BABAM2: variants seen among roughly 807,000 people sequenced by gnomAD.
BABAM2 encodes the protein BRISC and BRCA1-A complex member 2.
BABAM2 carries 31 observed loss-of-function variants against 54.7 expected under a neutral mutation model. The observed-to-expected ratio is 0.57, with a 90% CI of 0.43 to 0.77. The LOEUF is 0.77. Among genes scored for constraint, BABAM2 ranks in the 30% least tolerant of loss-of-function variants. BABAM2 has a pLI of 0.00. For missense variants in BABAM2, 364 were observed against 455.8 expected (o/e 0.80, Z 1.83); for synonymous variants, 167 against 162.9 (o/e 1.03, Z -0.19).
chr2:28,250,312 G>A (rs968014975), intron 10 of BABAM2, among the ~76,000 whole-genome samples: 1 of 108,962 alleles, frequency 9.2e-6, no homozygotes, highest in African/African-American at 3.2e-5. Context: ...AAGGGCATTT[G>A]TTGAACTTTT....
chr2:28,060,418 A>G (rs987302349), intron 6 of BABAM2, among the ~76,000 whole-genome samples: 3 of 152,176 alleles, frequency 2.0e-5, no homozygotes, highest in Non-Finnish European at 2.9e-5. Context: ...TAAAAGACCA[A>G]ATACTTTCTC....
At chr2:28,273,962 T>C (rs1215150207) in intron 10 of BABAM2, among the ~76,000 whole-genome samples, 1 of 152,232 alleles carries the variant, frequency 6.6e-6, no homozygotes, top group Non-Finnish European at 1.5e-5. Context: ...AGGCGTCATG[T>C]GCTATAGAAA....
chr2:27,921,661 G>A (rs185924751), intron 2 of BABAM2, among the ~76,000 whole-genome samples: 110 of 152,308 alleles, frequency 7.2e-4, no homozygotes, highest in African/African-American at 2.5e-3. Flanking sequence ...GAAGGTTGCT[G>A]TAAGTTTAAA....
intron 7 of BABAM2, among the ~76,000 whole-genome samples, chr2:28,167,406 C>T (rs777967416): frequency 6.6e-5 from 10 of 151,956 alleles, no homozygotes; most frequent in African/African-American, 1.7e-4. Flanking sequence ...TAAATGATGC[C>T]GTTTGCGCTG....
intron 7 of BABAM2, among the ~76,000 whole-genome samples, chr2:28,175,719 A>G (rs1674853717): frequency 6.6e-6 from 1 of 152,172 alleles, no homozygotes; most frequent in South Asian, 2.1e-4. Flanking sequence ...GATTTTGTCC[A>G]CACTCCAGCC....
chr2:28,331,117 A>G (rs1690917648), intron 11 of BABAM2, among the ~76,000 whole-genome samples: 1 of 152,220 alleles, frequency 6.6e-6, no homozygotes, highest in African/African-American at 2.4e-5. Context: ...CTGGCTAGCC[A>G]TACGCAGAAA....
At chr2:28,228,933 T>TA (rs1332193577) in intron 7 of BABAM2, among the ~76,000 whole-genome samples, 7 of 152,232 alleles carry the variant, frequency 4.6e-5, no homozygotes, top group Admixed American at 2.6e-4. Context: ...CCATTAGACA[T>TA]ACTCTGTTTG....
intron 10 of BABAM2, among the ~76,000 whole-genome samples, chr2:28,278,734 C>A (rs757512905): frequency 6.6e-6 from 1 of 152,084 alleles, no homozygotes; most frequent in Non-Finnish European, 1.5e-5. Context: ...CAGCAGCTGG[C>A]GATGGGCTGA....
intron 3 of BABAM2, among the ~76,000 whole-genome samples, chr2:27,965,728 T>A (rs566103877): frequency 3.3e-5 from 5 of 152,318 alleles, no homozygotes; most frequent in Admixed American, 1.3e-4. Context: ...GCTTTACAGT[T>A]GTGTGGATAC....
At chr2:28,088,327 C>T (rs1665857913) in intron 6 of BABAM2, among the ~76,000 whole-genome samples, 1 of 152,148 alleles carries the variant, frequency 6.6e-6, no homozygotes, top group African/African-American at 2.4e-5. Context: ...TGTTTAGAAT[C>T]CTAAATGACT....
chr2:28,308,524 C>T, intron 11 of BABAM2: 4 of 518,012 alleles, frequency 7.7e-6, no homozygotes, highest in South Asian at 5.7e-5. Context: ...ACTGCTGTGG[C>T]CAAAGCCAAC....
At chr2:28,127,363 G>A (rs192200937) in intron 6 of BABAM2, among the ~76,000 whole-genome samples, 7 of 152,288 alleles carry the variant, frequency 4.6e-5, no homozygotes, top group Non-Finnish European at 7.4e-5. Context: ...CATTTGGTGT[G>A]TTTAGTGGTT....
chr2:28,116,075 A>T (rs1668588299), intron 6 of BABAM2, among the ~76,000 whole-genome samples: 1 of 151,714 alleles, frequency 6.6e-6, no homozygotes, highest in African/African-American at 2.4e-5. Context: ...AGATCACACC[A>T]TTGCACTCCA....
intron 7 of BABAM2, among the ~76,000 whole-genome samples, chr2:28,130,589 A>G (rs1438356042): frequency 6.6e-6 from 1 of 151,478 alleles, no homozygotes; most frequent in African/African-American, 2.4e-5. Flanking sequence ...AGTGGCTAGG[A>G]CTCCAGGTGC....
At chr2:28,310,398 C>A (rs1688969289) in intron 11 of BABAM2, 2 of 432,996 alleles carry the variant, frequency 4.6e-6, no homozygotes, top group African/African-American at 3.9e-5. Context: ...TCCCCTCAGG[C>A]CATCTCTCCC....
At chr2:28,192,767 C>A (rs1413942402) in intron 7 of BABAM2, among the ~76,000 whole-genome samples, 1 of 151,888 alleles carries the variant, frequency 6.6e-6, no homozygotes, top group Non-Finnish European at 1.5e-5. Flanking sequence ...CGTGATCCGC[C>A]CACCTGGGCC....
chr2:28,109,629 C>G (rs1032116289), intron 6 of BABAM2, among the ~76,000 whole-genome samples: 2 of 152,166 alleles, frequency 1.3e-5, no homozygotes, highest in African/African-American at 4.8e-5. Flanking sequence ...TACCATTATA[C>G]CAATGGCACA....
At chr2:28,180,969 G>C (rs1675563350) in intron 7 of BABAM2, among the ~76,000 whole-genome samples, 1 of 152,138 alleles carries the variant, frequency 6.6e-6, no homozygotes, top group Non-Finnish European at 1.5e-5. Context: ...CAGATGTCTA[G>C]TGAAGATGCA....
In BABAM2 at chr2:28,129,309, C is replaced by G. The variant is rs1669833241; in HGVS notation, c.609C>G (p.Leu203=). 3 of 1,614,178 alleles carry G rather than the reference C, an allele frequency of 1.9e-6. No homozygotes were observed. Among genetic ancestry groups the G allele is most frequent in the Non-Finnish European group, 1.7e-6 (2 of 1,180,000 alleles). The change falls in exon 7 of 12, where the codon CTC becomes CTG. Residue 203 remains leucine, a synonymous_variant. Coordinates refer to ENST00000379624, the MANE Select transcript of BABAM2 (RefSeq NM_199191.3). ...ACCCTGGAGAAGATGTGGCCCTCCT[C>G]TCTGTTAGTTTTGAGGACACTGAAG... ...NEDPGEDVAL[L]SVSFEDTEAT... is the part of the protein sequence containing the mutation.
Sources: gnomAD v4.1 joint callset for allele counts (sites outside exome capture counted in the v4.1 genomes callset) on GRCh38, gnomAD v4.1.1 for gene constraint, MANE v1.5 for transcripts, NCBI Gene and HGNC (gene_info 2026-07-23, HGNC 2026-07-21) for gene names.